CTC1: variants seen among roughly 807,000 people sequenced by gnomAD.
CTC1 encodes CST telomere replication complex component 1.
In CTC1, 91 loss-of-function variants were observed where a neutral mutation model predicts 136.3. That is an observed-to-expected ratio of 0.67 (90% CI 0.56 to 0.79). The LOEUF (loss-of-function observed/expected upper bound fraction) is 0.79. Ranked by LOEUF, CTC1 falls within the 30% of genes least tolerant of loss-of-function variation. The pLI is 0.00. For missense variants in CTC1, 1,432 were observed against 1,498.1 expected (o/e 0.96, Z 0.73); for synonymous variants, 606 against 613.8 (o/e 0.99, Z 0.19).
At chr17:8,232,575 A>G in intron 11 of CTC1, 100 bp from the exon 12 acceptor site, 1 of 931,906 alleles carries the variant, frequency 1.1e-6, no homozygotes. Context: ...CCCAGGCCAG[A>G]GCTGCTGCCC....
chr17:8,238,336 C>T (rs561699528), intron 3 of CTC1, 56 bp downstream of exon 3: 40 of 1,574,806 alleles, frequency 2.5e-5, no homozygotes, highest in Non-Finnish European at 3.1e-5. Context: ...TTGCCTTGAT[C>T]CTTGGACACC....
At position 8,237,496 on chromosome 17, in the gene CTC1, C is replaced by T. The variant is rs753275597; in HGVS notation, c.671G>A (p.Arg224Gln). Residue 224 changes from arginine (R) to glutamine (Q), a missense_variant, in exon 5 of 23, where the codon CGA becomes CAA. Arg to Gln is a conservative substitution (Grantham distance 43, BLOSUM62 1). Coordinates refer to ENST00000651323, the MANE Select transcript of CTC1 (RefSeq NM_025099.6). ...RLRNKLRGVQ[R>Q]NLAGSLVRLS... ...TCGAACTAGACTCCCAGCCAGGTTTCGCTGCACACCTCTGAGCTTGTTTCT... is the reference window on the plus strand; with the variant it reads ...TCGAACTAGACTCCCAGCCAGGTTTTGCTGCACACCTCTGAGCTTGTTTCT... 8.1e-6 allele frequency: 13 copies of T among 1,613,718 alleles called. No homozygotes were observed. Among genetic ancestry groups the T allele is most frequent in the East Asian group, 2.2e-5 (1 of 44,882 alleles).
intron 1 of CTC1, among the ~76,000 whole-genome samples, chr17:8,245,552 A>C (rs1020442876): frequency 2.0e-5 from 3 of 152,096 alleles, no homozygotes; most frequent in African/African-American, 7.2e-5. Flanking sequence ...GGTGCACTGA[A>C]TACGACTGTC....
In CTC1 at chr17:8,230,574, CAG is replaced by C. The variant is rs1320984168; in HGVS notation, c.2745_2746del (p.Trp916AspfsTer20). The stretch of plus-strand genomic sequence containing the variant: ...GGAAGGGTCATTACCCAGTTTCATC[CAG>C]AGAGACGCCACAAGGGGTTCACATA... On this transcript the variant is annotated frameshift_variant, in exon 16 of 23. Transcript: ENST00000651323. LOFTEE classifies it high-confidence loss of function. The C allele has an allele frequency of 3.1e-6, 5 of 1,614,104 alleles. No homozygotes were observed. Among genetic ancestry groups the C allele is most frequent in the South Asian group, 1.1e-5 (1 of 91,084 alleles).
rs1047764411 is a variant in CTC1 at position 8,227,023 on chromosome 17, G to A, written c.*1157C>T. On this transcript the variant is annotated 3_prime_UTR_variant, in exon 23 of 23. Coordinates refer to ENST00000651323, the MANE Select transcript of CTC1 (RefSeq NM_025099.6). ...TACGGGGTTCGAACCCGCGACCTTGGCGTTATTAGCACCACGCTCTAACCA... is the reference window on the plus strand; with the variant it reads ...TACGGGGTTCGAACCCGCGACCTTGACGTTATTAGCACCACGCTCTAACCA... 6.6e-6 allele frequency: 1 copy of A among 152,034 alleles called. No individual in the cohort carries two copies. The highest frequency in any genetic ancestry group is 1.9e-4 in the East Asian group (1 of 5,200). 9.4% of individuals were successfully genotyped at this position (152,034 alleles called of 1,614,324 possible). A position where few individuals can be genotyped will look rare whatever the true frequency, so the allele number is the denominator to read the frequency against.
rs1184388810 is a variant in CTC1, at chr17:8,227,822, G to C, written c.*358C>G. ...CCAGAGATGAGTACCAGTGAGAAAT[G>C]ACACCAGAGGGCTTCATTGCAGGTC... On this transcript the variant is annotated 3_prime_UTR_variant, in exon 23 of 23. Transcript: ENST00000651323. 5.5e-6 allele frequency: 1 copy of C among 182,942 alleles called. No homozygotes were observed. The highest frequency in any genetic ancestry group is 1.2e-5 in the Non-Finnish European group (1 of 86,094). 11.3% of individuals were successfully genotyped at this position (182,942 alleles called of 1,614,324 possible). A position where few individuals can be genotyped will look rare whatever the true frequency, so the allele number is the denominator to read the frequency against.
chr17:8,230,278 C>T lies in CTC1; in HGVS notation c.2933+16G>A. On this transcript the variant is annotated intron_variant, in intron 17 of 22. Coordinates refer to ENST00000651323, the MANE Select transcript of CTC1 (RefSeq NM_025099.6). The stretch of plus-strand genomic sequence containing the variant: ...ATCAGTAGCAAGAGGAGGCAGGTGA[C>T]ACTACACATCTTCACCTGGAAACCC... 2 of 1,602,178 alleles carry T rather than the reference C, an allele frequency of 1.2e-6. No individual in the cohort carries two copies. The highest frequency in any genetic ancestry group is 1.7e-6 in the Non-Finnish European group (2 of 1,175,050).
Position 8,235,812 on chromosome 17 carries a change from C to T in CTC1, c.1206+19G>A, listed in dbSNP as rs767523515. 1.0e-5 allele frequency: 16 copies of T among 1,574,628 alleles called. No individual in the cohort carries two copies. Among genetic ancestry groups the T allele is most frequent in the Non-Finnish European group, 1.4e-5 (16 of 1,156,498 alleles). On this transcript the variant is annotated intron_variant, in intron 7 of 22. Coordinates refer to ENST00000651323, the MANE Select transcript of CTC1 (RefSeq NM_025099.6). The stretch of plus-strand genomic sequence containing the variant: ...AGCTGCAGAGGTCTCTTTTTGTTAT[C>T]AGCCCTGATCTCACATACCTGCAGA...
At chr17:8,237,755 T>C (rs1465375081) in intron 4 of CTC1, among the ~76,000 whole-genome samples, 1 of 144,514 alleles carries the variant, frequency 6.9e-6, no homozygotes, top group Non-Finnish European at 1.5e-5. Flanking sequence ...TGCTGTCCCT[T>C]CCACAGTAAA....
In CTC1 at chr17:8,235,227, G is replaced by A. The variant is rs532962550; in HGVS notation, c.1265C>T (p.Ala422Val). 1.1e-5 allele frequency: 18 copies of A among 1,614,144 alleles called. No homozygotes were observed. The highest frequency in any genetic ancestry group is 1.1e-4 in the South Asian group (10 of 91,090). The part of the protein sequence containing the change: ...VGGGTRRPVL[A>V]PCLRGAVLLQ... ...CAGAACGGCGCCACGGAGGCAGGGG[G>A]CGAGCACTGGCCTTCTTGTCCCCCC... Residue 422 changes from alanine (A) to valine (V), a missense_variant, in exon 8 of 23, where the codon GCC becomes GTC. Physicochemically the swap from Ala to Val is moderately conservative, Grantham distance 64. Transcript: ENST00000651323.
chr17:8,230,380 A>G lies in CTC1; in HGVS notation c.2847T>C (p.Tyr949=). Residue 949 remains tyrosine (Y), a synonymous_variant, in exon 17 of 23, where the codon TAT becomes TAC. Coordinates refer to ENST00000651323, the MANE Select transcript of CTC1 (RefSeq NM_025099.6). ...AGGGAGGCAAGTGTGGGTCTTCTATATATACATCCAGGTGAGGGGGGAATT... is the reference window on the plus strand; with the variant it reads ...AGGGAGGCAAGTGTGGGTCTTCTATGTATACATCCAGGTGAGGGGGGAATT... The part of the protein sequence containing the change: ...ECEFPPHLDV[Y]IEDPHLPPSL... 3 of 1,614,126 alleles carry G rather than the reference A, an allele frequency of 1.9e-6. No homozygotes were observed. Among genetic ancestry groups the G allele is most frequent in the South Asian group, 1.1e-5 (1 of 91,082 alleles).
Position 8,229,966 on chromosome 17 carries a change from G to T in CTC1, c.2936C>A (p.Ser979Tyr). The T allele has an allele frequency of 6.2e-7, 1 of 1,614,058 alleles. No individual in the cohort carries two copies. Among genetic ancestry groups the T allele is most frequent in the Non-Finnish European group, 8.5e-7 (1 of 1,179,964 alleles). ...CCGGAAACAACAATAAACATTGTGA[G>T]ATCTGCAAGTGGAAGAGGAATAGTG... is the stretch of plus-strand genomic sequence containing the variant. ...FSQLEKRVSR[S>Y]HNVYCCFRSS... Residue 979 changes from serine (S) to tyrosine (Y), a missense_variant and splice_region_variant, in exon 18 of 23, where the codon TCT becomes TAT. By Grantham distance (144) the Ser-to-Tyr change is moderately radical. Coordinates refer to ENST00000651323, the MANE Select transcript of CTC1 (RefSeq NM_025099.6).
At position 8,232,167 on chromosome 17, in the gene CTC1, A is replaced by C. The variant is rs899017902; in HGVS notation, c.2121T>G (p.Leu707=). ...GAGGTGTTGAGGGTGTTGCTGAATG[A>C]AGGCAGGGTCTGGGCACAGGCAGGA... ...ALILPVPRPC[L]HSATPSTPQT... is the part of the protein sequence containing the mutation. The change falls in exon 13 of 23, where the codon CTT becomes CTG. Residue 707 remains leucine (L), a synonymous_variant. Transcript: ENST00000651323. 4 of 1,524,790 alleles carry C rather than the reference A, an allele frequency of 2.6e-6. No individual in the cohort carries two copies. Among genetic ancestry groups the C allele is most frequent in the Non-Finnish European group, 3.5e-6 (4 of 1,140,058 alleles). The allele number at this position is 1,524,790 out of a possible 1,614,324, so 94.5% of individuals were successfully genotyped here.
chr17:8,229,078 C>T, intron 20 of CTC1, 64 bp downstream of exon 20: 1 of 1,551,142 alleles, frequency 6.4e-7, no homozygotes, highest in Non-Finnish European at 8.8e-7. Context: ...AATGTAGAAA[C>T]TGCAGATAGA....
intron 3 of CTC1, 64 bp from the exon 4 acceptor site, chr17:8,238,306 T>C (rs1298474374): frequency 6.4e-7 from 1 of 1,563,970 alleles, no homozygotes; most frequent in Non-Finnish European, 8.7e-7. Flanking sequence ...ACCTCCCCGT[T>C]TGTTTCCTCA....
chr17:8,235,073 G>A lies in CTC1; in HGVS notation c.1419C>T (p.Ala473=). The A allele has an allele frequency of 1.2e-6, 2 of 1,614,098 alleles. No individual in the cohort carries two copies. Among genetic ancestry groups the A allele is most frequent in the Non-Finnish European group, 1.7e-6 (2 of 1,180,006 alleles). Residue 473 remains alanine, a synonymous_variant, in exon 8 of 23, where the codon GCC becomes GCT. Transcript: ENST00000651323. ...CTCACTTGCAGGCCAGCTCCTCCAGGGCCTTGGTAGCCCACAGGTAGAGGG... is the reference window on the plus strand; with the variant it reads ...CTCACTTGCAGGCCAGCTCCTCCAGAGCCTTGGTAGCCCACAGGTAGAGGG... ...GLPLYLWATK[A]LEELACKLCP... is the part of the protein sequence containing the mutation.
chr17:8,244,025 C>T (rs1331396121), intron 1 of CTC1, among the ~76,000 whole-genome samples: 1 of 152,084 alleles, frequency 6.6e-6, no homozygotes, highest in East Asian at 1.9e-4. Flanking sequence ...ACCCAGATGG[C>T]GCCACTGCAC....
intron 10 of CTC1, chr17:8,233,271 C>A (rs766323636): frequency 1.3e-5 from 6 of 472,800 alleles, no homozygotes; most frequent in African/African-American, 2.0e-5. Context: ...AGAGGCCATG[C>A]GGGATCTCAC....
intron 11 of CTC1, 116 bp downstream of exon 11, chr17:8,232,790 G>C (rs776667655): frequency 3.4e-5 from 45 of 1,341,674 alleles, no homozygotes; most frequent in African/African-American, 8.7e-5. Flanking sequence ...GTTGTTGATT[G>C]ACATGTGTCA....
Sources: allele counts gnomAD v4.1 joint callset (sites outside exome capture counted in the v4.1 genomes callset), GRCh38; gene constraint gnomAD v4.1.1; transcripts MANE v1.5; gene names NCBI Gene and HGNC (gene_info 2026-07-23, HGNC 2026-07-21).